Variants in ATP10A observed in about 807,000 individuals in gnomAD.
The protein encoded by ATP10A is ATPase phospholipid transporting 10A (putative).
In ATP10A, 111 loss-of-function variants were observed where a neutral mutation model predicts 147.8. The observed-to-expected ratio is 0.75, with a 90% confidence interval of 0.64 to 0.88. ATP10A has a LOEUF of 0.88. Among genes scored for constraint, ATP10A ranks in the 40% least tolerant of loss-of-function variants. ATP10A has a pLI of 0.00. For missense variants in ATP10A, 1,927 were observed against 1,959.0 expected (o/e 0.98, Z 0.31); for synonymous variants, 875 against 841.6 (o/e 1.04, Z -0.69).
At chr15:25,836,818 A>G (rs1892617657) in intron 1 of ATP10A, among the ~76,000 whole-genome samples, 1 of 152,138 alleles carries the variant, frequency 6.6e-6, no homozygotes, top group African/African-American at 2.4e-5. Flanking sequence ...AGTCACTTGC[A>G]AAAGTCTCCG....
chr15:25,832,459 C>T (rs540957498), intron 1 of ATP10A, among the ~76,000 whole-genome samples: 6 of 152,290 alleles, frequency 3.9e-5, no homozygotes, highest in African/African-American at 1.4e-4. Context: ...CTGTCATGTT[C>T]TGGACCATTG....
chr15:25,854,937 G>C (rs1159555789), intron 1 of ATP10A, among the ~76,000 whole-genome samples: 1 of 152,006 alleles, frequency 6.6e-6, no homozygotes, highest in East Asian at 1.9e-4. Context: ...ATGCCTGCCT[G>C]TAATCCCAGC....
At chr15:25,725,928 T>G (rs773579973) in intron 5 of ATP10A, 23 bp downstream of exon 5, 2 of 1,597,386 alleles carry the variant, frequency 1.3e-6, no homozygotes, top group South Asian at 2.2e-5. Flanking sequence ...CCCACTCATT[T>G]CCGATCCATC....
chr15:25,694,041 G>T (rs1900175062), intron 14 of ATP10A, among the ~76,000 whole-genome samples: 1 of 151,928 alleles, frequency 6.6e-6, no homozygotes, highest in East Asian at 1.9e-4. Flanking sequence ...GGCATGTGGG[G>T]GTCACGGCCA....
chr15:25,776,813 C>G (rs1377715854), intron 2 of ATP10A, among the ~76,000 whole-genome samples: 3 of 152,196 alleles, frequency 2.0e-5, no homozygotes, highest in Non-Finnish European at 4.4e-5. Context: ...AAATACAACC[C>G]TATTCCGCCT....
chr15:25,735,045 G>A (rs1321114749), intron 3 of ATP10A, among the ~76,000 whole-genome samples: 3 of 151,762 alleles, frequency 2.0e-5, no homozygotes, highest in Non-Finnish European at 1.5e-5. Flanking sequence ...TGGGGCAGGC[G>A]AGCCCACTGC....
intron 14 of ATP10A, among the ~76,000 whole-genome samples, chr15:25,692,051 C>T (rs1048805299): frequency 3.3e-5 from 5 of 152,088 alleles, no homozygotes; most frequent in African/African-American, 9.7e-5. Context: ...TCTGCAGTGC[C>T]GCTCTTACAC....
At chr15:25,842,185 G>A (rs1892838462) in intron 1 of ATP10A, among the ~76,000 whole-genome samples, 1 of 152,142 alleles carries the variant, frequency 6.6e-6, no homozygotes, top group Admixed American at 6.5e-5. Flanking sequence ...AGCGGGCCTT[G>A]GGCTCCCACT....
chr15:25,811,911 T>A (rs1381565509), intron 1 of ATP10A, among the ~76,000 whole-genome samples: 7 of 152,162 alleles, frequency 4.6e-5, no homozygotes, highest in African/African-American at 1.4e-4. Flanking sequence ...CCCACCCCGA[T>A]GCCAGAGGAA....
intron 1 of ATP10A, among the ~76,000 whole-genome samples, chr15:25,793,324 C>G (rs1890521884): frequency 6.6e-6 from 1 of 152,214 alleles, no homozygotes; most frequent in South Asian, 2.1e-4. Context: ...CCATCCCACC[C>G]AGGGCCCTGG....
At chr15:25,834,175 T>C (rs1334209103) in intron 1 of ATP10A, among the ~76,000 whole-genome samples, 1 of 152,130 alleles carries the variant, frequency 6.6e-6, no homozygotes, top group Non-Finnish European at 1.5e-5. Context: ...CAATTAAAAA[T>C]AATAATTTAA....
At chr15:25,850,100 T>C (rs1385223385) in intron 1 of ATP10A, among the ~76,000 whole-genome samples, 1 of 152,204 alleles carries the variant, frequency 6.6e-6, no homozygotes, top group African/African-American at 2.4e-5. Context: ...GAGAAAATAA[T>C]TACATGCCAC....
At chr15:25,724,991 G>A (rs1219719555) in intron 5 of ATP10A, among the ~76,000 whole-genome samples, 1 of 152,130 alleles carries the variant, frequency 6.6e-6, no homozygotes, top group Middle Eastern at 3.2e-3. Flanking sequence ...TTAAAGCAGG[G>A]GTCCCTAATC....
At position 25,713,916 on chromosome 15, in the gene ATP10A, G is replaced by GCCT. The variant is rs1359620887; in HGVS notation, c.2099_2101dup (p.Glu700dup). The GCCT allele has an allele frequency of 6.2e-7, 1 of 1,612,860 alleles. No individual in the cohort carries two copies. The highest frequency in any genetic ancestry group is 1.7e-5 in the Admixed American group (1 of 60,034). On this transcript the variant is annotated inframe_insertion, in exon 10 of 21. Transcript: ENST00000555815. ...GGCTCTGGCCGCATACACCAGTGCG[G>GCCT]CCTCATCCGGGCTCTCCGCCTCGTA... is the stretch of plus-strand genomic sequence containing the variant.
At chr15:25,737,468 A>G (rs1567345284) in intron 2 of ATP10A, among the ~76,000 whole-genome samples, 1 of 152,180 alleles carries the variant, frequency 6.6e-6, no homozygotes. Flanking sequence ...CATGGCTCAG[A>G]AACAGTAGGA....
chr15:25,779,004 G>C (rs1023520983), intron 2 of ATP10A, among the ~76,000 whole-genome samples: 4 of 152,164 alleles, frequency 2.6e-5, no homozygotes, highest in African/African-American at 9.7e-5. Context: ...AGCCTCCCGA[G>C]TAGCTGAGAC....
chr15:25,792,899 T>G (rs1890498268), intron 1 of ATP10A, among the ~76,000 whole-genome samples: 1 of 136,086 alleles, frequency 7.3e-6, no homozygotes, highest in South Asian at 2.4e-4. Context: ...AGATGGAGTT[T>G]TGCTCTCGTT....
chr15:25,747,794 T>C (rs1313864043), intron 2 of ATP10A, among the ~76,000 whole-genome samples: 1 of 152,148 alleles, frequency 6.6e-6, no homozygotes. Flanking sequence ...ACCAGTAAAT[T>C]TGCCAAAAAT....
downstream of ATP10A, among the ~76,000 whole-genome samples, chr15:25,675,073 C>T (rs935862392): frequency 4.6e-5 from 7 of 152,296 alleles, no homozygotes; most frequent in African/African-American, 7.2e-5. Context: ...TGTGGGTGTG[C>T]GCACGCTGCT....
Sources: gnomAD v4.1 joint callset for allele counts (sites outside exome capture counted in the v4.1 genomes callset) on GRCh38, gnomAD v4.1.1 for gene constraint, MANE v1.5 for transcripts, NCBI Gene and HGNC (gene_info 2026-07-23, HGNC 2026-07-21) for gene names.